The following RABGAP1L variants were observed in gnomAD, a reference collection of about 807,000 sequenced individuals.
RABGAP1L encodes the protein rab GTPase-activating protein 1-like.
A neutral mutation model predicts 137.7 loss-of-function variants in RABGAP1L; 63 were observed. The ratio of observed to expected loss-of-function variants is 0.46; its 90% CI spans 0.37 to 0.56. The LOEUF (loss-of-function observed/expected upper bound fraction) is 0.56. Ranked by LOEUF, RABGAP1L falls within the 20% of genes least tolerant of loss-of-function variation. The pLI, the probability that RABGAP1L is intolerant of heterozygous loss-of-function variation, is 0.00. For synonymous variants in RABGAP1L, 431 were observed against 433.7 expected, an observed-to-expected ratio of 0.99 and a Z score of 0.08; for missense variants, 1,095 against 1,244.0, an observed-to-expected ratio of 0.88 and a Z score of 1.80.
chr1:174,619,296 A>G (rs1468093171), intron 13 of RABGAP1L, among the ~76,000 whole-genome samples: 1 of 152,196 alleles, frequency 6.6e-6, no homozygotes, highest in Non-Finnish European at 1.5e-5. Flanking sequence ...GAATGCCACA[A>G]AGATACTCCT....
intron 12 of RABGAP1L, among the ~76,000 whole-genome samples, chr1:174,382,854 A>G (rs1203391000): frequency 2.0e-5 from 3 of 151,984 alleles, no homozygotes; most frequent in Non-Finnish European, 4.4e-5. Flanking sequence ...CCTTTGGAGG[A>G]GGAGAGACAC....
intron 11 of RABGAP1L, among the ~76,000 whole-genome samples, chr1:174,364,954 C>T (rs898783864): frequency 1.3e-5 from 2 of 152,148 alleles, no homozygotes; most frequent in Non-Finnish European, 2.9e-5. Flanking sequence ...TGAGGCCTCA[C>T]GACTCTGCCC....
intron 4 of RABGAP1L, 72 bp downstream of exon 4, chr1:174,231,427 A>T: frequency 1.5e-6 from 2 of 1,362,700 alleles, no homozygotes; most frequent in Non-Finnish European, 2.1e-6. Flanking sequence ...TTATAGCATC[A>T]TCAGGTGTAG....
At chr1:174,643,210 G>A (rs1674680540) in intron 14 of RABGAP1L, among the ~76,000 whole-genome samples, 1 of 152,082 alleles carries the variant, frequency 6.6e-6, no homozygotes, top group South Asian at 2.1e-4. Flanking sequence ...TGTGATGATA[G>A]GTGTTCCTGG....
rs184751576 is a variant in RABGAP1L at position 174,540,659 on chromosome 1, G to C, written c.1711-96716G>C. Among the ~76,000 whole-genome samples, 419 of 152,072 alleles carry C rather than the reference G, an allele frequency of 2.8e-3. 5 individuals are homozygous for C. The highest frequency in any genetic ancestry group is 0.022 in the South Asian group (105 of 4,780). ...TTCTGTTCCATTGGTCTATATCTCT[G>C]TTTTGGTACCAGTACCATGCTGTTT... On this transcript the variant is annotated intron_variant, in intron 13 of 25. Transcript: ENST00000681986.
rs543899240 is a variant in RABGAP1L at position 174,619,901 on chromosome 1, C to T, written c.1711-17474C>T. On this transcript the variant is annotated intron_variant, in intron 13 of 25. Coordinates refer to ENST00000681986, the MANE Select transcript of RABGAP1L (RefSeq NM_001366446.1). ...TGCTGTATTCAGGAAACCCATCTCACGTGCAGAGACACACATAGGCTCACA... is the reference window on the plus strand; with the variant it reads ...TGCTGTATTCAGGAAACCCATCTCATGTGCAGAGACACACATAGGCTCACA... Among the ~76,000 whole-genome samples the T allele has an allele frequency of 2.9e-3, 438 of 152,224 alleles. 2 individuals carry two copies. Among genetic ancestry groups the T allele is most frequent in the South Asian group, 0.014 (68 of 4,822 alleles).
At chr1:174,444,773 A>AAG (rs1654551410) in intron 13 of RABGAP1L, among the ~76,000 whole-genome samples, 1 of 151,872 alleles carries the variant, frequency 6.6e-6, no homozygotes, top group Non-Finnish European at 1.5e-5. Flanking sequence ...ATTTCTGTGG[A>AAG]GTCAATTGTA....
At chr1:174,941,722 C>G (rs1374574264) in intron 19 of RABGAP1L, among the ~76,000 whole-genome samples, 1 of 151,522 alleles carries the variant, frequency 6.6e-6, no homozygotes, top group Non-Finnish European at 1.5e-5. Flanking sequence ...AAACAAAACC[C>G]TGACACTTCG....
chr1:174,799,886 G>A (rs1688573470), intron 18 of RABGAP1L: 2 of 987,520 alleles, frequency 2.0e-6, no homozygotes, highest in Non-Finnish European at 2.4e-6. Context: ...GGCTACTGCT[G>A]CTGCTGTCTT....
At chr1:174,346,299 T>C (rs1682422749) in intron 11 of RABGAP1L, among the ~76,000 whole-genome samples, 3 of 152,216 alleles carry the variant, frequency 2.0e-5, no homozygotes, top group Admixed American at 2.0e-4. Flanking sequence ...TTTTTTGAAA[T>C]AGTTCCAATG....
chr1:174,548,498 C>T, intron 13 of RABGAP1L: 1 of 949,530 alleles, frequency 1.1e-6, no homozygotes, highest in Middle Eastern at 5.4e-4. Context: ...CTGATTTTCT[C>T]ATGGCAGTGT....
intron 13 of RABGAP1L, among the ~76,000 whole-genome samples, chr1:174,550,999 C>CATATATATATATATATATATATACACAT (rs1666481339): frequency 1.2e-5 from 1 of 86,372 alleles, no homozygotes; most frequent in Non-Finnish European, 2.0e-5. Flanking sequence ...TATATATACA[C>CATATATATATATATATATATATACACAT]ATATATATAT....
intron 18 of RABGAP1L, among the ~76,000 whole-genome samples, chr1:174,807,160 A>G (rs1689384158): frequency 6.6e-6 from 1 of 152,226 alleles, no homozygotes; most frequent in South Asian, 2.1e-4. Flanking sequence ...TAAGATATGT[A>G]TGTAATGATG....
At chr1:174,652,479 C>T (rs527779285) in intron 14 of RABGAP1L, among the ~76,000 whole-genome samples, 2 of 152,212 alleles carry the variant, frequency 1.3e-5, no homozygotes, top group Admixed American at 6.5e-5. Flanking sequence ...CTTTGGATGG[C>T]GTTTTTGCGT....
chr1:174,281,083 C>A (rs542581256), intron 10 of RABGAP1L, among the ~76,000 whole-genome samples: 1 of 152,022 alleles, frequency 6.6e-6, no homozygotes, highest in African/African-American at 2.4e-5. Context: ...CAGACCTTCG[C>A]GGTGAGTGTT....
rs187930218 is a variant in RABGAP1L, at chr1:174,943,632, G to A, written c.2341-13825G>A. On this transcript the variant is annotated intron_variant, in intron 19 of 25. Transcript: ENST00000681986. The stretch of plus-strand genomic sequence containing the variant: ...AGGCGGATCACGAGGTCAGGAGTTC[G>A]AGACCAGCCTGGCCAACATGGTGAA... Among the ~76,000 whole-genome samples, 46 of 152,044 alleles carry A rather than the reference G, an allele frequency of 3.0e-4. No homozygotes were observed. The East Asian group carries it at 8.3e-3, about 28-fold the overall frequency.
chr1:174,727,151 A>T (rs1454216384), intron 17 of RABGAP1L, among the ~76,000 whole-genome samples: 1 of 152,198 alleles, frequency 6.6e-6, no homozygotes, highest in Non-Finnish European at 1.5e-5. Flanking sequence ...TTTTCTGAGG[A>T]TTAAATGAGA....
intron 17 of RABGAP1L, among the ~76,000 whole-genome samples, chr1:174,708,480 C>T (rs1488180530): frequency 6.6e-6 from 1 of 152,140 alleles, no homozygotes; most frequent in Non-Finnish European, 1.5e-5. Flanking sequence ...ACAGTGGGTG[C>T]AGCCCATGAA....
chr1:174,662,690 G>A (rs748259373), intron 14 of RABGAP1L, among the ~76,000 whole-genome samples: 1 of 152,126 alleles, frequency 6.6e-6, no homozygotes, highest in Non-Finnish European at 1.5e-5. Context: ...CACTGTGCCC[G>A]GCCAAGAAGG....
Sources: gnomAD v4.1 joint callset for allele counts (sites outside exome capture counted in the v4.1 genomes callset) on GRCh38, gnomAD v4.1.1 for gene constraint, MANE v1.5 for transcripts, NCBI Gene and HGNC (gene_info 2026-07-23, HGNC 2026-07-21) for gene names.